The following ERMP1 variants were observed in gnomAD, a reference collection of about 807,000 sequenced individuals.
ERMP1 encodes the protein Felix-ina.
ERMP1 carries 86 observed loss-of-function variants against 92.0 expected under a neutral mutation model. That is an observed-to-expected ratio of 0.93 (90% CI 0.79 to 1.12). The LOEUF (loss-of-function observed/expected upper bound fraction) is 1.12. Ranked by LOEUF, ERMP1 falls within the 50% of genes most tolerant of loss-of-function variation. The pLI is 0.00. For synonymous variants in ERMP1, 530 were observed against 412.8 expected (o/e 1.28, Z -3.44); for missense variants, 1,342 against 1,116.3 (o/e 1.20, Z -2.88).
intron 4 of ERMP1, among the ~76,000 whole-genome samples, chr9:5,823,297 A>T (rs777811507): frequency 2.0e-5 from 3 of 152,128 alleles, no homozygotes; most frequent in Admixed American, 1.3e-4. Flanking sequence ...ATAAAATAAA[A>T]ATTATTCTGG....
chr9:5,820,120 G>C (rs1298390971), intron 4 of ERMP1, among the ~76,000 whole-genome samples: 1 of 152,132 alleles, frequency 6.6e-6, no homozygotes, highest in Non-Finnish European at 1.5e-5. Flanking sequence ...CCAACATGGT[G>C]AAACCCCGTC....
intron 11 of ERMP1, among the ~76,000 whole-genome samples, chr9:5,799,685 C>A (rs1334231406): frequency 1.3e-5 from 2 of 152,198 alleles, no homozygotes; most frequent in Non-Finnish European, 2.9e-5. Flanking sequence ...TGTTTCACTG[C>A]AACAGACTGT....
intron 5 of ERMP1, among the ~76,000 whole-genome samples, chr9:5,863,192 T>C (rs544019080): frequency 1.3e-5 from 2 of 152,324 alleles, no homozygotes; most frequent in East Asian, 1.9e-4. Context: ...CATGTAATGT[T>C]AGAAATGTTA....
chr9:5,823,162 G>A (rs1343489059), intron 4 of ERMP1, among the ~76,000 whole-genome samples: 1 of 152,042 alleles, frequency 6.6e-6, no homozygotes, highest in Non-Finnish European at 1.5e-5. Context: ...GCAAGCACCT[G>A]CAGTCCCAGC....
upstream of ERMP1, among the ~76,000 whole-genome samples, chr9:5,837,671 C>T (rs1027699738): frequency 4.0e-5 from 6 of 151,844 alleles, no homozygotes; most frequent in Non-Finnish European, 7.4e-5. Context: ...TCTTTCTGTT[C>T]GTGTGTGTGT....
intron 6 of ERMP1, among the ~76,000 whole-genome samples, chr9:5,856,940 G>C (rs1004680928): frequency 6.6e-6 from 1 of 152,138 alleles, no homozygotes; most frequent in Non-Finnish European, 1.5e-5. Context: ...TTTATGACCA[G>C]TCTTGGGGGC....
intron 6 of ERMP1, among the ~76,000 whole-genome samples, chr9:5,854,210 G>C (rs1021771168): frequency 6.6e-6 from 1 of 152,014 alleles, no homozygotes; most frequent in African/African-American, 2.4e-5. Context: ...TCTGTATCTA[G>C]GTGCTAGAAA....
chr9:5,840,153 A>C (rs1388859160), intron 6 of ERMP1, among the ~76,000 whole-genome samples: 1 of 152,184 alleles, frequency 6.6e-6, no homozygotes, highest in African/African-American at 2.4e-5. Flanking sequence ...GAGGCAGGAG[A>C]ATCACTCGAA....
intron 13 of ERMP1, among the ~76,000 whole-genome samples, chr9:5,790,367 G>GA (rs1828134520): frequency 6.6e-6 from 1 of 151,606 alleles, no homozygotes; most frequent in Non-Finnish European, 1.5e-5. Context: ...ACACCTCATA[G>GA]AAAAAAGGAA....
chr9:5,822,790 T>C (rs1829588976), intron 4 of ERMP1, among the ~76,000 whole-genome samples: 1 of 152,210 alleles, frequency 6.6e-6, no homozygotes, highest in Admixed American at 6.5e-5. Flanking sequence ...CTGAATTTTG[T>C]TAATAAAGAC....
Position 5,830,911 on chromosome 9 carries a change from G to C in ERMP1, c.456C>G (p.Asn152Lys), listed in dbSNP as rs1224612765. The change falls in exon 2 of 15, where the codon AAC becomes AAG. Residue 152 changes from asparagine (N) to lysine (K), a missense_variant. By Grantham distance (94) the Asn-to-Lys change is moderately conservative (BLOSUM62 0). Transcript: ENST00000339450. ...EQIKLIEVQS[N>K]SLHKISVDVQ... ...CATCTACTGAAATCTTATGAAGGCT[G>C]TTGCTTTGCACTTCAATCAGTTTAA... 5.0e-6 allele frequency: 8 copies of C among 1,614,076 alleles called. No homozygotes were observed. The highest frequency in any genetic ancestry group is 5.9e-6 in the Non-Finnish European group (7 of 1,179,936).
At chr9:5,856,113 A>G in intron 6 of ERMP1, 2 of 363,430 alleles carry the variant, frequency 5.5e-6, no homozygotes, top group Non-Finnish European at 1.1e-5. Context: ...GGAATCTTCA[A>G]ACAGATCACT....
chr9:5,839,744 A>G (rs190828291), intron 6 of ERMP1, among the ~76,000 whole-genome samples: 2 of 152,250 alleles, frequency 1.3e-5, no homozygotes, highest in African/African-American at 2.4e-5. Context: ...TCAGGTCTTT[A>G]CTGGCCTAAA....
At chr9:5,787,950 A>G (rs1828013160) in intron 13 of ERMP1, among the ~76,000 whole-genome samples, 2 of 152,342 alleles carry the variant, frequency 1.3e-5, no homozygotes, top group Non-Finnish European at 2.9e-5. Flanking sequence ...CTGTAACAGT[A>G]CTGAATAGGA....
chr9:5,826,550 T>C (rs1173436048), intron 2 of ERMP1, among the ~76,000 whole-genome samples: 1 of 152,196 alleles, frequency 6.6e-6, no homozygotes, highest in Non-Finnish European at 1.5e-5. Flanking sequence ...TTAAAATGCT[T>C]GTTTGGGCTC....
At chr9:5,796,295 C>T (rs193095892) in intron 13 of ERMP1, among the ~76,000 whole-genome samples, 4 of 152,342 alleles carry the variant, frequency 2.6e-5, no homozygotes, top group Admixed American at 6.5e-5. Flanking sequence ...AACTTCAAAA[C>T]TTAACTATAT....
intron 6 of ERMP1, among the ~76,000 whole-genome samples, chr9:5,839,104 G>C (rs1484150145): frequency 6.6e-6 from 1 of 152,082 alleles, no homozygotes; most frequent in African/African-American, 2.4e-5. Context: ...ATCCAGGAGG[G>C]GAATGCAATG....
In ERMP1 at chr9:5,813,089, A is replaced by T. The variant is rs550008528; in HGVS notation, c.875-54T>A. 3 of 1,590,414 alleles carry T rather than the reference A, an allele frequency of 1.9e-6. No homozygotes were observed. The South Asian group carries it at 3.3e-5, about 18-fold the overall frequency. On this transcript the variant is annotated intron_variant, in intron 4 of 14. Coordinates refer to ENST00000339450, the MANE Select transcript of ERMP1 (RefSeq NM_024896.3). ...AGGTATTCCGGCAATTTTTTTTAAC[A>T]TACTAATGTTTTTCAACACATAGAA...
chr9:5,811,263 G>A lies in ERMP1; in HGVS notation c.1175C>T (p.Ser392Phe), dbSNP rs750108536. Residue 392 changes from serine (S) to phenylalanine (F), a missense_variant, in exon 7 of 15, where the codon TCT (serine) becomes TTT (phenylalanine). Physicochemically the swap from Ser to Phe is radical, Grantham distance 155. Transcript: ENST00000339450. The stretch of plus-strand genomic sequence containing the variant: ...GACCATGTTTCCATGTCGATACTTA[G>A]AAGCAGCAGCCAGCATATCAGATGT... Reference protein sequence around the residue: ...LATSDMLAAASKYRHGNMVFF... With the variant: ...LATSDMLAAAFKYRHGNMVFF... The A allele has an allele frequency of 3.7e-6, 6 of 1,613,440 alleles. No individual in the cohort carries two copies. In the South Asian group the frequency reaches 6.6e-5, roughly 18 times the overall value.
Sources: allele counts gnomAD v4.1 joint callset (sites outside exome capture counted in the v4.1 genomes callset), GRCh38; gene constraint gnomAD v4.1.1; transcripts MANE v1.5; gene names NCBI Gene and HGNC (gene_info 2026-07-23, HGNC 2026-07-21).